ATP11C: variants seen among roughly 807,000 people sequenced by gnomAD.
ATP11C encodes ATPase phospholipid transporting 11C (ATP11C blood group).
Under a neutral mutation model 97.4 loss-of-function variants are expected in ATP11C, and 36 were observed. The ratio of observed to expected loss-of-function variants is 0.37; its 90% CI spans 0.28 to 0.49. ATP11C has a LOEUF of 0.49. Among genes scored for constraint, ATP11C ranks in the 20% least tolerant of loss-of-function variants. The pLI is 0.98. For missense variants in ATP11C, 730 were observed against 824.6 expected (o/e 0.89, Z 1.40); for synonymous variants, 275 against 290.9 (o/e 0.95, Z 0.56).
Position 139,891,197 on chromosome X carries a change from CAAAAAAAAAAAA to C in ATP11C, c.27+40807_27+40818del, listed in dbSNP as rs35280856. ...TTCCAAAAGCAAGTCAGAGATTGGC[CAAAAAAAAAAAA>C]AAAAAAAAAAGAAGGAAGATGAGGA... is the stretch of plus-strand genomic sequence containing the variant. On this transcript the variant is annotated intron_variant, in intron 1 of 29. Transcript: ENST00000682941. Among the ~76,000 whole-genome samples the C allele has an allele frequency of 4.9e-3, 174 of 35,489 alleles. 1 individual carries two copies. The highest frequency in any genetic ancestry group is 7.1e-3 in the Non-Finnish European group (142 of 20,086). The allele number at this position is 35,489 out of a possible 115,157, so 30.8% of individuals were successfully genotyped here.
chrX:139,805,895 T>C (rs1391496269), intron 5 of ATP11C, among the ~76,000 whole-genome samples: 1 of 112,724 alleles, frequency 8.9e-6, no homozygotes, highest in Non-Finnish European at 1.9e-5. Flanking sequence ...AACTAACTTG[T>C]AAATAATATT....
At chrX:139,892,045 T>C (rs888897103) in intron 1 of ATP11C, among the ~76,000 whole-genome samples, 6 of 111,117 alleles carry the variant, frequency 5.4e-5, no homozygotes, top group Non-Finnish European at 7.5e-5. Flanking sequence ...TTAGTAGAGA[T>C]GGGATTTCAC....
chrX:139,746,033 C>T (rs2081677270), intron 24 of ATP11C, among the ~76,000 whole-genome samples, 176 bp from the exon 25 acceptor site: 1 of 112,013 alleles, frequency 8.9e-6, no homozygotes, highest in African/African-American at 3.2e-5. Flanking sequence ...TTCATGCAAT[C>T]ATCTCCTGAC....
chrX:139,792,498 G>T (rs2082710538), intron 12 of ATP11C, among the ~76,000 whole-genome samples: 1 of 110,970 alleles, frequency 9.0e-6, no homozygotes, highest in Non-Finnish European at 1.9e-5. Flanking sequence ...ACCTGAATTA[G>T]CAACTGGCAT....
At chrX:139,806,588 C>G (rs187177956) in intron 5 of ATP11C, among the ~76,000 whole-genome samples, 1 of 110,685 alleles carries the variant, frequency 9.0e-6, no homozygotes, top group East Asian at 2.9e-4. Context: ...TTAACCAATT[C>G]CTAAAGACTG....
At chrX:139,836,307 G>C (rs899772226) in intron 1 of ATP11C, among the ~76,000 whole-genome samples, 16 of 110,979 alleles carry the variant, frequency 1.4e-4, no homozygotes, top group Admixed American at 6.7e-4. Flanking sequence ...CCTGAGGTCA[G>C]GAGTTCGAGA....
upstream of ATP11C, among the ~76,000 whole-genome samples, chrX:139,935,700 A>G (rs746075507): frequency 3.9e-4 from 44 of 112,280 alleles, no homozygotes; most frequent in African/African-American, 1.4e-3. Flanking sequence ...AACTATAAAA[A>G]TGCAATTCCA....
At position 139,871,348 on chromosome X, in the gene ATP11C, C is replaced by T. The variant is rs193026570; in HGVS notation, c.28-44525G>A. On this transcript the variant is annotated intron_variant, in intron 1 of 29. Coordinates refer to ENST00000682941, the MANE Select transcript of ATP11C (RefSeq NM_001353812.2). ...CTCAGCTCCCGAGTAGCTGGCATTA[C>T]AGGTGTGCGCCACCACGCCCAGCTA... Among the ~76,000 whole-genome samples, 167 of 106,502 alleles carry T rather than the reference C, an allele frequency of 1.6e-3. 1 individual carries two copies. The highest frequency in any genetic ancestry group is 5.3e-3 in the African/African-American group (154 of 29,240). The allele number at this position is 106,502 out of a possible 115,157, so 92.5% of individuals were successfully genotyped here. A position where few individuals can be genotyped will look rare whatever the true frequency, so the allele number is the denominator to read the frequency against.
At chrX:139,766,367 C>T (rs1464470738) in intron 20 of ATP11C, among the ~76,000 whole-genome samples, 2 of 111,840 alleles carry the variant, frequency 1.8e-5, no homozygotes, top group African/African-American at 6.5e-5. Flanking sequence ...ATTTGAGCAG[C>T]ATACACTGAA....
At chrX:139,787,964 G>A (rs2082610396) in intron 14 of ATP11C, among the ~76,000 whole-genome samples, 1 of 112,460 alleles carries the variant, frequency 8.9e-6, no homozygotes, top group Non-Finnish European at 1.9e-5. Context: ...TGGCTGGCAT[G>A]CATAAATAGT....
rs765131525 is a variant in ATP11C, at chrX:139,889,624, C to T, written c.27+42392G>A. 8.2e-5 allele frequency among the ~76,000 whole-genome samples: 9 copies of T among 110,139 alleles called. No individual in the cohort carries two copies. The South Asian group carries it at 3.4e-3, about 42-fold the overall frequency. On this transcript the variant is annotated intron_variant, in intron 1 of 29. Transcript: ENST00000682941. ...AGTTGTGTTACAAAAGTAACAACCT[C>T]GAAAGAGCCAACTATTTTAGGCAGA...
intron 1 of ATP11C, among the ~76,000 whole-genome samples, chrX:139,847,430 G>A (rs1288549678): frequency 2.7e-5 from 3 of 109,149 alleles, no homozygotes; most frequent in African/African-American, 1.0e-4. Flanking sequence ...TGGGTGCAGG[G>A]GCTTACACCT....
chrX:139,881,441 C>T (rs1428234707), intron 1 of ATP11C, among the ~76,000 whole-genome samples: 1 of 110,602 alleles, frequency 9.0e-6, no homozygotes, highest in Non-Finnish European at 1.9e-5. Context: ...ATGTTTATCT[C>T]CTACCACTGC....
chrX:139,867,086 C>A (rs1439659669), intron 1 of ATP11C, among the ~76,000 whole-genome samples: 1 of 110,985 alleles, frequency 9.0e-6, no homozygotes, highest in Non-Finnish European at 1.9e-5. Context: ...ACCCTGTCTT[C>A]AAAAACAAAA....
intron 12 of ATP11C, among the ~76,000 whole-genome samples, chrX:139,795,288 A>G (rs898509442): frequency 9.0e-6 from 1 of 111,726 alleles, no homozygotes; most frequent in African/African-American, 3.3e-5. Flanking sequence ...CTACCTTTCA[A>G]CTGCAGTTGT....
At chrX:139,841,533 A>G (rs2083830781) in intron 1 of ATP11C, among the ~76,000 whole-genome samples, 1 of 112,451 alleles carries the variant, frequency 8.9e-6, no homozygotes, top group Non-Finnish European at 1.9e-5. Flanking sequence ...CCAAATGAGA[A>G]TATTAAAATT....
chrX:139,787,096 T>C (rs751378981), intron 15 of ATP11C, 77 bp downstream of exon 15: 1 of 1,182,465 alleles, frequency 8.5e-7, no homozygotes, highest in Non-Finnish European at 1.1e-6. Context: ...ATCATTTCCT[T>C]TGCTGCCCTG....
At chrX:139,756,480 T>C (rs1380793797) in intron 23 of ATP11C, among the ~76,000 whole-genome samples, 1 of 111,898 alleles carries the variant, frequency 8.9e-6, no homozygotes, top group African/African-American at 3.3e-5. Context: ...ACTGGGTATA[T>C]ACCCAAAGGA....
At chrX:139,799,272 G>C (rs182940169) in intron 8 of ATP11C, among the ~76,000 whole-genome samples, 44 of 111,536 alleles carry the variant, frequency 3.9e-4, no homozygotes, top group Admixed American at 7.6e-4. Context: ...ATCCCTTTTT[G>C]TATGAACTGC....
Sources: gnomAD v4.1 joint callset for allele counts (sites outside exome capture counted in the v4.1 genomes callset) on GRCh38, gnomAD v4.1.1 for gene constraint, MANE v1.5 for transcripts, NCBI Gene and HGNC (gene_info 2026-07-23, HGNC 2026-07-21) for gene names.